The following GRIA4 variants were observed in gnomAD, a reference collection of about 807,000 sequenced individuals.
GRIA4 encodes the protein glutamate ionotropic receptor AMPA type subunit 4.
Under a neutral mutation model 104.0 loss-of-function variants are expected in GRIA4, and 34 were observed. The observed-to-expected ratio is 0.33, with a 90% confidence interval of 0.25 to 0.44. The LOEUF (loss-of-function observed/expected upper bound fraction) is 0.44, where lower values mean the gene tolerates loss of function less well. Among genes scored for constraint, GRIA4 ranks in the 20% least tolerant of loss-of-function variants. The probability of loss-of-function intolerance (pLI) is 1.00; values close to 1 mark genes in which losing one functional copy is unlikely to be tolerated. For synonymous variants in GRIA4, 386 were observed against 381.9 expected, an observed-to-expected ratio of 1.01 and a Z score of -0.13; for missense variants, 750 against 1,096.5, an observed-to-expected ratio of 0.68 and a Z score of 4.46.
chr11:105,824,437 T>C (rs1230680363), intron 4 of GRIA4, among the ~76,000 whole-genome samples: 2 of 152,064 alleles, frequency 1.3e-5, no homozygotes, highest in Non-Finnish European at 2.9e-5. Flanking sequence ...CTTATTCCAC[T>C]ATCACAAAAC....
At chr11:105,611,803 G>A (rs1950488132) in intron 2 of GRIA4, among the ~76,000 whole-genome samples, 1 of 152,206 alleles carries the variant, frequency 6.6e-6, no homozygotes, top group Non-Finnish European at 1.5e-5. Flanking sequence ...CGTGGACTGT[G>A]CATAAAACGG....
intron 3 of GRIA4, among the ~76,000 whole-genome samples, chr11:105,657,098 C>A (rs986305524): frequency 6.6e-6 from 1 of 151,750 alleles, no homozygotes; most frequent in African/African-American, 2.4e-5. Flanking sequence ...CTAATAAAGG[C>A]CCTAGAAAAT....
chr11:105,893,388 T>C (rs555825907), intron 6 of GRIA4, among the ~76,000 whole-genome samples: 1 of 152,202 alleles, frequency 6.6e-6, no homozygotes, highest in African/African-American at 2.4e-5. Context: ...CTATATGAAA[T>C]TGTAAGAAAA....
intron 3 of GRIA4, among the ~76,000 whole-genome samples, chr11:105,713,724 A>C (rs1310918671): frequency 6.6e-6 from 1 of 152,190 alleles, no homozygotes; most frequent in Non-Finnish European, 1.5e-5. Flanking sequence ...ATAGTTCAGA[A>C]ATTATTAATT....
chr11:105,858,346 C>T (rs1279062458), intron 4 of GRIA4, among the ~76,000 whole-genome samples: 6 of 151,988 alleles, frequency 3.9e-5, no homozygotes, highest in South Asian at 2.1e-4. Flanking sequence ...CTTTGTATTT[C>T]ACATTACCTA....
chr11:105,916,149 A>T (rs1947398094), intron 10 of GRIA4, among the ~76,000 whole-genome samples: 2 of 152,068 alleles, frequency 1.3e-5, no homozygotes, highest in Non-Finnish European at 2.9e-5. Flanking sequence ...GCACTACTAC[A>T]CTCCAGCCTG....
At position 105,926,787 on chromosome 11, in the gene GRIA4, C is replaced by T. The variant is rs1947720241; in HGVS notation, c.1894C>T (p.Leu632Phe). The T allele has an allele frequency of 1.2e-6, 2 of 1,610,214 alleles. No homozygotes were observed. The highest frequency in any genetic ancestry group is 1.7e-6 in the Non-Finnish European group (2 of 1,176,886). Reference sequence around the variant, plus strand: ...TGGAGGTGTTTGGTGGTTCTTTACACTCATCATTATATCATCTTATACTGC... The same window carrying T: ...TGGAGGTGTTTGGTGGTTCTTTACATTCATCATTATATCATCTTATACTGC... ...IVGGVWWFFT[L>F]IIISSYTANL... is the part of the protein sequence containing the mutation. Residue 632 changes from leucine (L) to phenylalanine (F), a missense_variant, in exon 13 of 17, where the codon CTC becomes TTC. Leu to Phe is a conservative substitution (Grantham distance 22). Transcript: ENST00000282499.
At chr11:105,667,099 A>G (rs1952189384) in intron 3 of GRIA4, among the ~76,000 whole-genome samples, 1 of 152,008 alleles carries the variant, frequency 6.6e-6, no homozygotes, top group Non-Finnish European at 1.5e-5. Flanking sequence ...TAAAATACAC[A>G]TTCTGTGGAC....
Position 105,610,898 on chromosome 11 carries a change from TTA to T in GRIA4, c.-90-9_-90-8del. Reference sequence around the variant, plus strand: ...TTTTTTTTTTTTTTTTTGGTTGATTTTAATTTTAGCGCCATCGTCTTCAATGC... The same window carrying T: ...TTTTTTTTTTTTTTTTTGGTTGATTTATTTTAGCGCCATCGTCTTCAATGC... On this transcript the variant is annotated splice_polypyrimidine_tract_variant and splice_region_variant and intron_variant, in intron 1 of 16. Coordinates refer to ENST00000282499, the MANE Select transcript of GRIA4 (RefSeq NM_000829.4). 2.2e-6 allele frequency: 1 copy of T among 464,854 alleles called. No individual in the cohort carries two copies. The highest frequency in any genetic ancestry group is 3.7e-6 in the Non-Finnish European group (1 of 267,794). 28.8% of individuals were successfully genotyped at this position (464,854 alleles called of 1,614,324 possible).
chr11:105,857,276 C>T (rs925011431), intron 4 of GRIA4, among the ~76,000 whole-genome samples: 14 of 152,038 alleles, frequency 9.2e-5, no homozygotes, highest in African/African-American at 2.9e-4. Flanking sequence ...CAATAAGTGG[C>T]GTTAGACACA....
chr11:105,713,250 G>A (rs745514265), intron 3 of GRIA4, among the ~76,000 whole-genome samples: 1 of 151,938 alleles, frequency 6.6e-6, no homozygotes, highest in Non-Finnish European at 1.5e-5. Flanking sequence ...GGGCGTCGTG[G>A]TGCCTGCTTT....
At chr11:105,681,069 C>T (rs1474964999) in intron 3 of GRIA4, among the ~76,000 whole-genome samples, 2 of 152,182 alleles carry the variant, frequency 1.3e-5, no homozygotes, top group African/African-American at 4.8e-5. Flanking sequence ...CGCCACATTC[C>T]TTTTACTGGA....
chr11:105,852,687 T>C (rs1184870750), intron 4 of GRIA4, among the ~76,000 whole-genome samples: 3 of 152,184 alleles, frequency 2.0e-5, no homozygotes, highest in African/African-American at 7.2e-5. Flanking sequence ...AGTTTACAAT[T>C]ACTTCCTAGA....
At chr11:105,858,295 C>T (rs1053891352) in intron 4 of GRIA4, among the ~76,000 whole-genome samples, 9 of 151,962 alleles carry the variant, frequency 5.9e-5, no homozygotes, top group Admixed American at 5.9e-4. Flanking sequence ...ATAGTAAATT[C>T]TTTGTAAAGA....
intron 14 of GRIA4, among the ~76,000 whole-genome samples, chr11:105,953,711 T>C (rs1417792174): frequency 6.6e-6 from 1 of 152,122 alleles, no homozygotes; most frequent in East Asian, 1.9e-4. Flanking sequence ...CAAATGAGTT[T>C]TCCAATCTGG....
intron 11 of GRIA4, among the ~76,000 whole-genome samples, chr11:105,919,287 A>T (rs1947491846): frequency 2.0e-5 from 3 of 152,134 alleles, no homozygotes; most frequent in Non-Finnish European, 4.4e-5. Context: ...GGTTTCCTTC[A>T]ACAATATAAA....
chr11:105,916,505 T>C (rs1030789461), intron 10 of GRIA4, among the ~76,000 whole-genome samples: 1 of 152,200 alleles, frequency 6.6e-6, no homozygotes, highest in Non-Finnish European at 1.5e-5. Flanking sequence ...GTGACTTTGA[T>C]TGCAAGAGAT....
At chr11:105,892,826 A>G (rs888103499) in intron 6 of GRIA4, among the ~76,000 whole-genome samples, 2 of 152,166 alleles carry the variant, frequency 1.3e-5, no homozygotes, top group African/African-American at 4.8e-5. Context: ...CCCCCATTCT[A>G]TTTGACATTC....
intron 3 of GRIA4, among the ~76,000 whole-genome samples, chr11:105,745,971 C>T (rs990406339): frequency 1.3e-5 from 2 of 152,104 alleles, no homozygotes; most frequent in Admixed American, 6.6e-5. Flanking sequence ...ATTTCCGTAA[C>T]TAAAATTAAT....
Sources: allele counts gnomAD v4.1 joint callset (sites outside exome capture counted in the v4.1 genomes callset), GRCh38; gene constraint gnomAD v4.1.1; transcripts MANE v1.5; gene names NCBI Gene and HGNC (gene_info 2026-07-23, HGNC 2026-07-21).